The following NMNAT2 variants were observed in gnomAD, a reference collection of about 807,000 sequenced individuals.
NMNAT2 encodes nicotinamide/nicotinic acid mononucleotide adenylyltransferase 2.
Under a neutral mutation model 41.6 loss-of-function variants are expected in NMNAT2, and 11 were observed. The observed-to-expected ratio is 0.26, with a 90% CI of 0.17 to 0.44. The LOEUF is 0.44. Among genes scored for constraint, NMNAT2 ranks in the 20% least tolerant of loss-of-function variants. The pLI, the probability that NMNAT2 is intolerant of heterozygous loss-of-function variation, is 1.00. For synonymous variants in NMNAT2, 148 were observed against 151.2 expected, an observed-to-expected ratio of 0.98 and a Z score of 0.16; for missense variants, 288 against 407.7, an observed-to-expected ratio of 0.71 and a Z score of 2.53.
chr1:183,370,614 G>A (rs910763693), intron 1 of NMNAT2, among the ~76,000 whole-genome samples: 1 of 152,238 alleles, frequency 6.6e-6, no homozygotes, highest in Non-Finnish European at 1.5e-5. Context: ...CATATCAGGT[G>A]TGCTCGGGCA....
At chr1:183,257,228 C>T (rs1660539729) in intron 10 of NMNAT2, among the ~76,000 whole-genome samples, 1 of 151,930 alleles carries the variant, frequency 6.6e-6, no homozygotes, top group African/African-American at 2.4e-5. Flanking sequence ...GGATCACAAG[C>T]TCAGGAGTTC....
chr1:183,298,676 G>A (rs573947759), intron 1 of NMNAT2, among the ~76,000 whole-genome samples: 14 of 152,194 alleles, frequency 9.2e-5, no homozygotes, highest in Middle Eastern at 3.4e-3. Context: ...TGAATTCAGC[G>A]CCACAACAAG....
rs111945806 is a variant in NMNAT2 at position 183,300,135 on chromosome 1, G to A, written c.86-6342C>T. ...AGGCACCATTTAGGCTGGGCACAGT[G>A]GCTCATGACTGTAATCCCAACACTT... On this transcript the variant is annotated intron_variant, in intron 1 of 10. Transcript: ENST00000287713. Among the ~76,000 whole-genome samples the A allele has an allele frequency of 5.3e-3, 809 of 152,254 alleles. 10 individuals carry two copies. The highest frequency in any genetic ancestry group is 0.019 in the African/African-American group (782 of 41,542).
At chr1:183,373,206 A>T (rs1341719649) in intron 1 of NMNAT2, among the ~76,000 whole-genome samples, 2 of 152,208 alleles carry the variant, frequency 1.3e-5, no homozygotes, top group African/African-American at 4.8e-5. Flanking sequence ...TCAAGTTGTC[A>T]TTTCCTGGTA....
intron 1 of NMNAT2, among the ~76,000 whole-genome samples, chr1:183,364,805 C>T (rs1439635997): frequency 1.3e-5 from 2 of 152,148 alleles, no homozygotes; most frequent in East Asian, 1.9e-4. Context: ...GATTCTCCTG[C>T]CTCAGCCTCC....
At chr1:183,358,129 G>A (rs1663235989) in intron 1 of NMNAT2, among the ~76,000 whole-genome samples, 1 of 152,200 alleles carries the variant, frequency 6.6e-6, no homozygotes, top group South Asian at 2.1e-4. Flanking sequence ...GGACATGGAT[G>A]AAATTGGAGG....
intron 1 of NMNAT2, among the ~76,000 whole-genome samples, chr1:183,371,254 C>T (rs1376847386): frequency 6.6e-6 from 1 of 152,112 alleles, no homozygotes; most frequent in African/African-American, 2.4e-5. Context: ...AATGATAGGA[C>T]ATTTTGAAAA....
chr1:183,265,298 T>C (rs1215387777), intron 8 of NMNAT2, among the ~76,000 whole-genome samples: 2 of 118,244 alleles, frequency 1.7e-5, no homozygotes, highest in African/African-American at 3.2e-5. Context: ...AGACAGAGTC[T>C]CACTGTTGCC....
intron 1 of NMNAT2, among the ~76,000 whole-genome samples, chr1:183,389,037 G>A (rs1243577656): frequency 6.6e-6 from 1 of 152,168 alleles, no homozygotes; most frequent in Non-Finnish European, 1.5e-5. Flanking sequence ...AGGGAGTTAG[G>A]GAATGGAGGA....
chr1:183,274,167 A>C (rs1282986210), intron 8 of NMNAT2, among the ~76,000 whole-genome samples: 2 of 151,118 alleles, frequency 1.3e-5, no homozygotes, highest in African/African-American at 2.4e-5. Context: ...CCCACTTCAG[A>C]CTCCCAAAGC....
intron 1 of NMNAT2, among the ~76,000 whole-genome samples, chr1:183,329,246 GTGTA>G (rs1190506823): frequency 6.6e-6 from 1 of 152,104 alleles, no homozygotes; most frequent in Non-Finnish European, 1.5e-5. Flanking sequence ...TTGTGTGTGT[GTGTA>G]TGTGTGTGTG....
At chr1:183,405,354 T>C (rs546714112) in intron 1 of NMNAT2, among the ~76,000 whole-genome samples, 3 of 152,356 alleles carry the variant, frequency 2.0e-5, no homozygotes, top group Admixed American at 2.0e-4. Context: ...TTGATAATTA[T>C]TGAAGCTGGG....
intron 4 of NMNAT2, among the ~76,000 whole-genome samples, chr1:183,287,966 C>T (rs1219037482): frequency 6.6e-6 from 1 of 152,128 alleles, no homozygotes; most frequent in Non-Finnish European, 1.5e-5. Flanking sequence ...TCACATCTGA[C>T]CACATCTGGG....
chr1:183,293,848 T>C, intron 1 of NMNAT2, 55 bp from the exon 2 acceptor site: 2 of 1,287,364 alleles, frequency 1.6e-6, no homozygotes, highest in Non-Finnish European at 2.3e-6. Flanking sequence ...GGATTAAAGG[T>C]GATAATTGAA....
chr1:183,395,131 T>TA (rs765448917), intron 1 of NMNAT2, among the ~76,000 whole-genome samples: 10 of 152,178 alleles, frequency 6.6e-5, no homozygotes, highest in Non-Finnish European at 1.0e-4. Context: ...ATCCATCACT[T>TA]ACTCTGGACT....
At chr1:183,305,120 G>A (rs920562255) in intron 1 of NMNAT2, among the ~76,000 whole-genome samples, 4 of 128,808 alleles carry the variant, frequency 3.1e-5, no homozygotes, top group African/African-American at 1.2e-4. Flanking sequence ...TTTTTTTTTT[G>A]GTATTTATTT....
intron 6 of NMNAT2, 123 bp downstream of exon 6, chr1:183,284,587 A>G (rs1661352297): frequency 1.2e-6 from 1 of 816,418 alleles, no homozygotes; most frequent in African/African-American, 1.7e-5. Context: ...ACAAGTACGC[A>G]CACACACACA....
rs576737805 is a variant in NMNAT2, at chr1:183,397,334, G to A, written c.85+20849C>T. On this transcript the variant is annotated intron_variant, in intron 1 of 10. Transcript: ENST00000287713. ...ATCAGTGATTGAAGATTAAATGAAC[G>A]AAATGAAGCGAGAAAAGAACTTTAG... Among the ~76,000 whole-genome samples the A allele has an allele frequency of 3.5e-4, 53 of 152,190 alleles. No individual in the cohort carries two copies. In the South Asian group the frequency reaches 8.7e-3, roughly 25 times the overall value.
At chr1:183,281,503 A>C (rs1661269238) in intron 7 of NMNAT2, among the ~76,000 whole-genome samples, 1 of 152,248 alleles carries the variant, frequency 6.6e-6, no homozygotes. Context: ...CACTATCCCA[A>C]CCAAATATAA....
Sources: allele counts gnomAD v4.1 joint callset (sites outside exome capture counted in the v4.1 genomes callset), GRCh38; gene constraint gnomAD v4.1.1; transcripts MANE v1.5; gene names NCBI Gene and HGNC (gene_info 2026-07-23, HGNC 2026-07-21).